The following BCAT1 variants were observed in gnomAD, a reference collection of about 807,000 sequenced individuals.
BCAT1 encodes branched-chain-amino-acid aminotransferase, cytosolic.
BCAT1 carries 48 observed loss-of-function variants against 52.4 expected under a neutral mutation model. The observed-to-expected ratio is 0.92, with a 90% confidence interval of 0.73 to 1.16. BCAT1 has a LOEUF of 1.16. Among genes scored for constraint, BCAT1 ranks in the 50% most tolerant of loss-of-function variants. The probability of loss-of-function intolerance (pLI) is 0.00; values close to 1 mark genes in which losing one functional copy is unlikely to be tolerated. For synonymous variants in BCAT1, 167 were observed against 161.3 expected, an observed-to-expected ratio of 1.04 and a Z score of -0.27; for missense variants, 451 against 457.1, an observed-to-expected ratio of 0.99 and a Z score of 0.12.
At chr12:24,902,874 G>C (rs906806620) in intron 1 of BCAT1, 1 of 1,506,910 alleles carries the variant, frequency 6.6e-7, no homozygotes, top group African/African-American at 1.4e-5. Context: ...CAAGGCGCCC[G>C]GCCAGGCCCG....
chr12:24,832,929 C>T, intron 8 of BCAT1, 66 bp from the exon 9 acceptor site: 1 of 1,445,122 alleles, frequency 6.9e-7, no homozygotes, highest in Non-Finnish European at 9.4e-7. Flanking sequence ...AATTGCAATA[C>T]TTACTGTTCT....
chr12:24,925,875 G>A (rs903584093), intron 1 of BCAT1, among the ~76,000 whole-genome samples: 1 of 152,240 alleles, frequency 6.6e-6, no homozygotes, highest in South Asian at 2.1e-4. Flanking sequence ...TGCAGACGGA[G>A]TCTCGTTCAC....
intron 3 of BCAT1, among the ~76,000 whole-genome samples, chr12:24,892,740 C>T (rs1942877845): frequency 6.6e-6 from 1 of 152,190 alleles, no homozygotes; most frequent in African/African-American, 2.4e-5. Context: ...GTGGTCCCAG[C>T]TACTCAGGAG....
chr12:24,862,719 C>T (rs188265331), intron 5 of BCAT1, among the ~76,000 whole-genome samples: 1 of 152,268 alleles, frequency 6.6e-6, no homozygotes, highest in East Asian at 1.9e-4. Flanking sequence ...TTTCCCCTCT[C>T]TCTCCTTTCC....
At position 24,833,394 on chromosome 12, in the gene BCAT1, C is replaced by T. The variant is rs190746248; in HGVS notation, c.904-531G>A. On this transcript the variant is annotated intron_variant, in intron 8 of 10. Transcript: ENST00000261192. ...ATTAGCCAGGCATGGTGGCGGGTGC[C>T]TGTAATCCCAGCTACTCAGGAGGCT... Among the ~76,000 whole-genome samples, 80 of 152,168 alleles carry T rather than the reference C, an allele frequency of 5.3e-4. 1 individual carries two copies. Among genetic ancestry groups the T allele is most frequent in the African/African-American group, 1.8e-3 (76 of 41,502 alleles).
chr12:24,898,505 A>G (rs912480108), intron 2 of BCAT1, among the ~76,000 whole-genome samples: 5 of 131,588 alleles, frequency 3.8e-5, no homozygotes, highest in Non-Finnish European at 7.9e-5. Context: ...TGTTTCAGCC[A>G]GGGTTCAGTC....
At chr12:24,943,718 C>A (rs1051402418) in intron 1 of BCAT1, among the ~76,000 whole-genome samples, 1 of 152,156 alleles carries the variant, frequency 6.6e-6, no homozygotes, top group Admixed American at 6.5e-5. Flanking sequence ...GGAGCGGTGG[C>A]TCACGCCTGT....
At chr12:24,822,669 A>G (rs10771128) in intron 10 of BCAT1, among the ~76,000 whole-genome samples, 131,957 of 152,208 alleles carry the variant, frequency 0.87, 57,276 homozygotes, top group Admixed American at 0.89. Flanking sequence ...CGTGCTCTTC[A>G]ATTCTGAAGG....
chr12:24,946,950 G>A (rs896323016), intron 1 of BCAT1, among the ~76,000 whole-genome samples: 1 of 152,128 alleles, frequency 6.6e-6, no homozygotes, highest in African/African-American at 2.4e-5. Flanking sequence ...CTGAAATCCA[G>A]TGAAATTACT....
intron 1 of BCAT1, among the ~76,000 whole-genome samples, chr12:24,937,856 G>A (rs144464316): frequency 6.6e-6 from 1 of 152,338 alleles, no homozygotes; most frequent in East Asian, 1.9e-4. Context: ...GGACTGCATA[G>A]ATGTAAGATA....
chr12:24,908,169 C>T (rs1943256723), intron 1 of BCAT1, among the ~76,000 whole-genome samples: 1 of 152,212 alleles, frequency 6.6e-6, no homozygotes, highest in Non-Finnish European at 1.5e-5. Context: ...TGCTCTCCCT[C>T]ACCCTAAATC....
intron 3 of BCAT1, among the ~76,000 whole-genome samples, chr12:24,883,093 C>A (rs1942547601): frequency 6.6e-6 from 1 of 151,758 alleles, no homozygotes; most frequent in Non-Finnish European, 1.5e-5. Flanking sequence ...TCGAGACCAG[C>A]CTGGACAACA....
intron 10 of BCAT1, among the ~76,000 whole-genome samples, chr12:24,819,780 G>C (rs1440839784): frequency 3.3e-5 from 5 of 152,140 alleles, no homozygotes; most frequent in African/African-American, 1.2e-4. Context: ...ACATGCAAAG[G>C]GGAATAAAGG....
At chr12:24,885,589 T>C (rs557269962) in intron 3 of BCAT1, among the ~76,000 whole-genome samples, 1 of 152,202 alleles carries the variant, frequency 6.6e-6, no homozygotes, top group South Asian at 2.1e-4. Context: ...GGAAAGAAAA[T>C]GACCAAGAAT....
chr12:24,936,482 C>T (rs757600845), intron 1 of BCAT1, among the ~76,000 whole-genome samples: 16 of 152,230 alleles, frequency 1.1e-4, no homozygotes. Context: ...ATCCACCCAC[C>T]TTGGCCTCCC....
rs71448094 is a variant in BCAT1 at position 24,898,520 on chromosome 12, CTTT to C, written c.78+3291_78+3293del. ...TGTTTCAGCCAGGGTTCAGTCAACA[CTTT>C]TTTTTTTTTTTTTTTTTTTTTTTGC... On this transcript the variant is annotated intron_variant, in intron 2 of 10. Transcript: ENST00000261192. Among the ~76,000 whole-genome samples, 10 of 38,530 alleles carry C rather than the reference CTTT, an allele frequency of 2.6e-4. No homozygotes were observed. The East Asian group carries it at 5.8e-3, about 22-fold the overall frequency. The allele number at this position is 38,530 out of a possible 152,430, so 25.3% of individuals were successfully genotyped here. A position where few individuals can be genotyped will look rare whatever the true frequency, so the allele number is the denominator to read the frequency against.
At chr12:24,872,789 G>A (rs980262037) in intron 5 of BCAT1, among the ~76,000 whole-genome samples, 26 of 152,128 alleles carry the variant, frequency 1.7e-4, no homozygotes, top group Admixed American at 7.9e-4. Flanking sequence ...TCACAGATTC[G>A]ACCCTTTTCA....
rs368198449 is a variant in BCAT1, at chr12:24,822,301, A to T, written c.1120-4252T>A. Among the ~76,000 whole-genome samples, 95 of 152,332 alleles carry T rather than the reference A, an allele frequency of 6.2e-4. 1 individual carries two copies. The South Asian group carries it at 0.019, about 31-fold the overall frequency. ...ATGGGATGAATACTTAACCTCAGAG[A>T]TTATTACTCATATGCAGAAGTACAG... On this transcript the variant is annotated intron_variant, in intron 10 of 10. Coordinates refer to ENST00000261192, the MANE Select transcript of BCAT1 (RefSeq NM_005504.7).
intron 10 of BCAT1, among the ~76,000 whole-genome samples, chr12:24,823,488 CT>C (rs1454601053): frequency 1.7e-4 from 26 of 152,140 alleles, no homozygotes; most frequent in Non-Finnish European, 2.8e-4. Context: ...AGAACATTTA[CT>C]TTAGTCACTA....
Sources: gnomAD v4.1 joint callset for allele counts (sites outside exome capture counted in the v4.1 genomes callset) on GRCh38, gnomAD v4.1.1 for gene constraint, MANE v1.5 for transcripts, NCBI Gene and HGNC (gene_info 2026-07-23, HGNC 2026-07-21) for gene names.